The following BCAR3 variants were observed in gnomAD, a reference collection of about 807,000 sequenced individuals.
The protein encoded by BCAR3 is breast cancer anti-estrogen resistance protein 3.
Under a neutral mutation model 80.1 loss-of-function variants are expected in BCAR3, and 37 were observed. That is an observed-to-expected ratio of 0.46 (90% CI 0.36 to 0.61). BCAR3 has a LOEUF of 0.61. BCAR3 is among the 20% of genes least tolerant of loss of function. The pLI is 0.00. For synonymous variants in BCAR3, 389 were observed against 418.9 expected (o/e 0.93, Z 0.87); for missense variants, 978 against 1,068.2 (o/e 0.92, Z 1.18).
chr1:93,828,173 G>A (rs1046814691), intron 2 of BCAR3, among the ~76,000 whole-genome samples: 2 of 152,124 alleles, frequency 1.3e-5, no homozygotes, highest in African/African-American at 4.8e-5. Context: ...GACAGCATGT[G>A]CCTGTAGTAC....
intron 3 of BCAR3, among the ~76,000 whole-genome samples, chr1:93,688,888 T>C (rs6701871): frequency 0.3 from 46,272 of 151,950 alleles, 10,850 homozygotes; most frequent in African/African-American, 0.67. Flanking sequence ...CTGCCCACCT[T>C]GGCCTCCCAA....
chr1:93,765,532 T>C (rs1652114617), intron 2 of BCAR3, among the ~76,000 whole-genome samples: 1 of 152,176 alleles, frequency 6.6e-6, no homozygotes, highest in African/African-American at 2.4e-5. Flanking sequence ...ACTCTGTAGA[T>C]ACCACCTGTG....
At chr1:93,838,563 T>C (rs1469395821) in intron 2 of BCAR3, among the ~76,000 whole-genome samples, 2 of 152,164 alleles carry the variant, frequency 1.3e-5, no homozygotes, top group Non-Finnish European at 2.9e-5. Flanking sequence ...ATGCAAACCA[T>C]AGCACCTCTC....
chr1:93,649,499 G>C (rs899908406), intron 2 of BCAR3, among the ~76,000 whole-genome samples: 11 of 148,452 alleles, frequency 7.4e-5, no homozygotes, highest in Admixed American at 6.1e-4. Context: ...TGCCTCTCTA[G>C]AGAAAGGGAA....
intron 2 of BCAR3, chr1:93,845,502 A>ATATATATATCTCATTTTGTCAAG: frequency 1.8e-5 from 2 of 113,822 alleles, no homozygotes; most frequent in African/African-American, 7.0e-5. Flanking sequence ...ATATATATAT[A>ATATATATATCTCATTTTGTCAAG]AAACTTTGTT....
chr1:93,834,433 T>C (rs1295656171), intron 2 of BCAR3, among the ~76,000 whole-genome samples: 1 of 152,154 alleles, frequency 6.6e-6, no homozygotes, highest in Non-Finnish European at 1.5e-5. Context: ...CCCACTCCTC[T>C]TTCCATTCCT....
intron 2 of BCAR3, among the ~76,000 whole-genome samples, chr1:93,803,825 T>C (rs1653574637): frequency 6.6e-6 from 1 of 152,238 alleles, no homozygotes; most frequent in South Asian, 2.1e-4. Flanking sequence ...AGTATTTATA[T>C]GTTTTGCAAC....
At chr1:93,772,312 G>T (rs1243224081) in intron 2 of BCAR3, among the ~76,000 whole-genome samples, 1 of 152,158 alleles carries the variant, frequency 6.6e-6, no homozygotes, top group East Asian at 1.9e-4. Flanking sequence ...CTGGGGGCAG[G>T]ATATGCCATG....
intron 2 of BCAR3, among the ~76,000 whole-genome samples, chr1:93,735,939 T>C (rs1650957581): frequency 6.6e-6 from 1 of 152,134 alleles, no homozygotes; most frequent in Non-Finnish European, 1.5e-5. Context: ...TATCTATGAG[T>C]GGGTGGTAAG....
chr1:93,767,751 C>G (rs1364703005), intron 2 of BCAR3, among the ~76,000 whole-genome samples: 1 of 151,838 alleles, frequency 6.6e-6, no homozygotes, highest in African/African-American at 2.4e-5. Flanking sequence ...GTCTCTAATC[C>G]TAATGTAACA....
chr1:93,797,091 G>A (rs1049395130), intron 2 of BCAR3, among the ~76,000 whole-genome samples: 1 of 152,144 alleles, frequency 6.6e-6, no homozygotes, highest in Non-Finnish European at 1.5e-5. Flanking sequence ...CATCCAAAAC[G>A]ACTGGCCACG....
chr1:93,706,116 G>C (rs563673929), exon 3 of BCAR3: 2 of 152,622 alleles, frequency 1.3e-5, no homozygotes, highest in African/African-American at 4.8e-5. Flanking sequence ...CTTTCTCCAG[G>C]CCAGCTTGGG....
chr1:93,679,280 C>T (rs549401056), intron 1 of BCAR3, among the ~76,000 whole-genome samples: 3 of 152,314 alleles, frequency 2.0e-5, no homozygotes, highest in Non-Finnish European at 4.4e-5. Context: ...TCTATCTTGT[C>T]AGATAAGAGT....
At chr1:93,614,063 G>C (rs1675032044) in intron 3 of BCAR3, 1 of 1,444,014 alleles carries the variant, frequency 6.9e-7, no homozygotes, top group African/African-American at 1.4e-5. Context: ...TCGGCAGCCG[G>C]GGGAGTGAGT....
chr1:93,752,615 T>C (rs1261478970), intron 2 of BCAR3, among the ~76,000 whole-genome samples: 3 of 152,226 alleles, frequency 2.0e-5, no homozygotes, highest in Admixed American at 6.5e-5. Flanking sequence ...TACGGTATCA[T>C]TGCTCTCATT....
intron 2 of BCAR3, among the ~76,000 whole-genome samples, chr1:93,838,432 G>A (rs1007620025): frequency 3.9e-5 from 6 of 152,262 alleles, no homozygotes; most frequent in East Asian, 1.9e-4. Flanking sequence ...AGAGTAGCAC[G>A]AAGCCATTCA....
At chr1:93,657,950 C>CT (rs748626236) in intron 2 of BCAR3, among the ~76,000 whole-genome samples, 3,329 of 138,540 alleles carry the variant, frequency 0.024, 97 homozygotes, top group African/African-American at 0.076. Context: ...GTTACTGCTT[C>CT]TTTTTTTTTT....
chr1:93,704,447 C>T (rs1007759047), intron 3 of BCAR3, among the ~76,000 whole-genome samples: 7 of 152,098 alleles, frequency 4.6e-5, no homozygotes, highest in East Asian at 1.9e-4. Context: ...TCTCATTTTA[C>T]GAATGAAAAC....
Position 93,709,024 on chromosome 1 carries a change from C to T in BCAR3, c.-62-2882G>A, listed in dbSNP as rs192989773. On this transcript the variant is annotated intron_variant, in intron 2 of 13. Transcript: ENST00000370244. ...GAGTCGATTGCACATGTGAAGAGGC[C>T]AATTAAAAAAAAATCACAAGGAGAA... Among the ~76,000 whole-genome samples, 47 of 151,930 alleles carry T rather than the reference C, an allele frequency of 3.1e-4. 1 individual carries two copies. Among genetic ancestry groups the T allele is most frequent in the Non-Finnish European group, 1.0e-4 (7 of 67,962 alleles).
Sources: gnomAD v4.1 joint callset for allele counts (sites outside exome capture counted in the v4.1 genomes callset) on GRCh38, gnomAD v4.1.1 for gene constraint, MANE v1.5 for transcripts, NCBI Gene and HGNC (gene_info 2026-07-23, HGNC 2026-07-21) for gene names.